Variants in BACE2 observed in about 807,000 individuals in gnomAD.
BACE2 encodes 56 kDa aspartic-like protease.
BACE2 carries 17 observed loss-of-function variants against 46.2 expected under a neutral mutation model. The observed-to-expected ratio is 0.37, with a 90% confidence interval of 0.25 to 0.55. The LOEUF (loss-of-function observed/expected upper bound fraction) is 0.55, where lower values mean the gene tolerates loss of function less well. Among genes scored for constraint, BACE2 ranks in the 20% least tolerant of loss-of-function variants. The probability of loss-of-function intolerance (pLI) is 0.82; values close to 1 mark genes in which losing one functional copy is unlikely to be tolerated. For missense variants in BACE2, 595 were observed against 698.1 expected (o/e 0.85, Z 1.66); for synonymous variants, 277 against 295.9 (o/e 0.94, Z 0.66).
intron 7 of BACE2, among the ~76,000 whole-genome samples, chr21:41,253,132 TAAATC>T (rs1299995959): frequency 6.6e-6 from 1 of 152,182 alleles, no homozygotes; most frequent in Non-Finnish European, 1.5e-5. Context: ...TCAGCATCTT[TAAATC>T]ATCTTTAAAA....
intron 3 of BACE2, among the ~76,000 whole-genome samples, chr21:41,239,290 CAAGAT>C (rs1987223793): frequency 6.6e-6 from 1 of 152,192 alleles, no homozygotes; most frequent in South Asian, 2.1e-4. Context: ...TGAGAAGATA[CAAGAT>C]AAGATGTGGG....
At chr21:41,212,054 A>G (rs1986318140) in intron 1 of BACE2, among the ~76,000 whole-genome samples, 1 of 152,218 alleles carries the variant, frequency 6.6e-6, no homozygotes, top group Non-Finnish European at 1.5e-5. Context: ...GCATTAAAGG[A>G]TATTTGGCCT....
chr21:41,250,699 C>T, intron 6 of BACE2, 53 bp from the exon 7 acceptor site: 1 of 1,582,386 alleles, frequency 6.3e-7, no homozygotes, highest in East Asian at 2.2e-5. Flanking sequence ...GAGCTGTTTC[C>T]TGTTGACGTG....
At chr21:41,266,785 T>C (rs530094195) in intron 8 of BACE2, among the ~76,000 whole-genome samples, 1 of 152,340 alleles carries the variant, frequency 6.6e-6, no homozygotes, top group East Asian at 1.9e-4. Context: ...AGGGCCCATT[T>C]CTGGTTGAGG....
Position 41,246,059 on chromosome 21 carries a change from C to T in BACE2, c.980C>T (p.Ser327Phe). The T allele has an allele frequency of 6.2e-7, 1 of 1,600,158 alleles. No individual in the cohort carries two copies. The highest frequency in any genetic ancestry group is 2.3e-5 in the East Asian group (1 of 44,302). Reference sequence around the variant, plus strand: ...GTGGTGGAAGCTGTGGCCCGCGCATCTCTGGTGAGTCCTCGGGACACTCAC... The same window carrying T: ...GTGGTGGAAGCTGTGGCCCGCGCATTTCTGGTGAGTCCTCGGGACACTCAC... ...DAVVEAVARA[S>F]LIPEFSDGFW... Residue 327 changes from serine to phenylalanine, a missense_variant, in exon 6 of 9, where the codon TCT (serine) becomes TTT (phenylalanine). By Grantham distance (155) the Ser-to-Phe change is radical. This residue lies in a region of BACE2 where 343 missense variants were observed against 419.4 expected (regional missense o/e 0.82). Transcript: ENST00000330333.
At chr21:41,222,912 C>T in intron 1 of BACE2, among the ~76,000 whole-genome samples, 1 of 152,218 alleles carries the variant, frequency 6.6e-6, no homozygotes, top group Non-Finnish European at 1.5e-5. Context: ...GATGGAGCTG[C>T]TGTCGACCGA....
chr21:41,242,159 C>T (rs548243414), intron 4 of BACE2, among the ~76,000 whole-genome samples: 3 of 151,796 alleles, frequency 2.0e-5, no homozygotes, highest in East Asian at 3.9e-4. Context: ...TGATTCTCAT[C>T]GCTTCTCCGA....
intron 1 of BACE2, among the ~76,000 whole-genome samples, chr21:41,202,153 T>A (rs1568865956): frequency 1.3e-5 from 2 of 152,188 alleles, no homozygotes; most frequent in South Asian, 4.1e-4. Flanking sequence ...TAGTGAGCTG[T>A]TTGTTATTTG....
At chr21:41,245,347 T>A (rs1390371059) in intron 5 of BACE2, among the ~76,000 whole-genome samples, 1 of 152,186 alleles carries the variant, frequency 6.6e-6, no homozygotes, top group African/African-American at 2.4e-5. Context: ...CCCGTAGTGG[T>A]TGGGGTGGCT....
At chr21:41,246,524 C>A (rs116462767) in intron 6 of BACE2, among the ~76,000 whole-genome samples, 1,534 of 152,226 alleles carry the variant, frequency 0.01, 31 homozygotes, top group African/African-American at 0.035. Context: ...AAATTTTACT[C>A]CTTTTTGGCT....
At chr21:41,244,687 G>A in intron 5 of BACE2, among the ~76,000 whole-genome samples, 1 of 152,196 alleles carries the variant, frequency 6.6e-6, no homozygotes, top group East Asian at 1.9e-4. Context: ...CAGGGGATAA[G>A]ATGGCAATGG....
chr21:41,173,125 C>T (rs1984664065), intron 1 of BACE2, among the ~76,000 whole-genome samples: 1 of 152,240 alleles, frequency 6.6e-6, no homozygotes, highest in South Asian at 2.1e-4. Flanking sequence ...GTTAAGTTCA[C>T]AGGTACCGGA....
chr21:41,200,392 C>G (rs763601905), intron 1 of BACE2, among the ~76,000 whole-genome samples: 9 of 152,098 alleles, frequency 5.9e-5, no homozygotes, highest in Non-Finnish European at 1.0e-4. Flanking sequence ...ATGGACTGGG[C>G]TGTAGAAACT....
At chr21:41,211,508 A>G (rs972181771) in intron 1 of BACE2, among the ~76,000 whole-genome samples, 2 of 152,258 alleles carry the variant, frequency 1.3e-5, no homozygotes, top group African/African-American at 4.8e-5. Flanking sequence ...GTGTTTAAGT[A>G]AATGAGATTC....
intron 8 of BACE2, among the ~76,000 whole-genome samples, chr21:41,269,466 G>A (rs1451641862): frequency 6.6e-6 from 1 of 152,170 alleles, no homozygotes; most frequent in Non-Finnish European, 1.5e-5. Context: ...GTGATCATAT[G>A]CACTGAGCTG....
rs533526786 is a variant in BACE2, at chr21:41,238,854, G to C, written c.618+1125G>C. ...GCCTTGGGAGATATACCTAATGCTA[G>C]ATGACGAGTTAGTGGGCGCAGCGCA... On this transcript the variant is annotated intron_variant, in intron 3 of 8. Transcript: ENST00000330333. Among the ~76,000 whole-genome samples, 189 of 145,510 alleles carry C rather than the reference G, an allele frequency of 1.3e-3. 2 individuals are homozygous for C. The South Asian group carries it at 0.015, about 11-fold the overall frequency.
chr21:41,249,516 C>G (rs1029259410), intron 6 of BACE2, among the ~76,000 whole-genome samples: 2 of 152,210 alleles, frequency 1.3e-5, no homozygotes, highest in Admixed American at 6.5e-5. Context: ...AGTGGCACCC[C>G]TCGTTCCCTC....
chr21:41,241,620 G>A (rs1568882750), intron 3 of BACE2, 199 bp from the exon 4 acceptor site: 3 of 566,854 alleles, frequency 5.3e-6, no homozygotes, highest in Non-Finnish European at 9.2e-6. Flanking sequence ...CGTGCCCAAA[G>A]GAAGAATGCC....
intron 2 of BACE2, among the ~76,000 whole-genome samples, chr21:41,236,449 G>A (rs138177796): frequency 1.8e-4 from 28 of 152,284 alleles, no homozygotes; most frequent in Admixed American, 5.2e-4. Flanking sequence ...TGAGGGGGCA[G>A]GACTTTCGTC....
Sources: allele counts gnomAD v4.1 joint callset (sites outside exome capture counted in the v4.1 genomes callset), GRCh38; gene constraint gnomAD v4.1.1; regional missense constraint gnomAD v4.1.1; transcripts MANE v1.5; gene names NCBI Gene and HGNC (gene_info 2026-07-23, HGNC 2026-07-21).